The following PTPRE variants were observed in gnomAD, a reference collection of about 807,000 sequenced individuals.
PTPRE encodes the protein protein tyrosine phosphatase receptor type E, also known as receptor-type tyrosine-protein phosphatase epsilon.
PTPRE carries 51 observed loss-of-function variants against 102.0 expected under a neutral mutation model. The observed-to-expected ratio is 0.50, with a 90% confidence interval of 0.40 to 0.63. The LOEUF (loss-of-function observed/expected upper bound fraction) is 0.63. Ranked by LOEUF, PTPRE falls within the 30% of genes least tolerant of loss-of-function variation. The pLI is 0.00. For missense variants in PTPRE, 752 were observed against 915.1 expected (o/e 0.82, Z 2.30); for synonymous variants, 345 against 348.2 (o/e 0.99, Z 0.10).
At chr10:127,923,052 C>T (rs1003238059) in intron 1 of PTPRE, among the ~76,000 whole-genome samples, 1 of 152,250 alleles carries the variant, frequency 6.6e-6, no homozygotes. Flanking sequence ...ACTTGAGCGT[C>T]TGGCGGCATT....
chr10:128,003,628 G>A (rs1019666978), intron 2 of PTPRE, among the ~76,000 whole-genome samples: 12 of 152,152 alleles, frequency 7.9e-5, no homozygotes, highest in African/African-American at 2.9e-4. Flanking sequence ...GGCAGTTCAC[G>A]CGCGGACATC....
chr10:128,042,584 A>G (rs1393290826), intron 3 of PTPRE, among the ~76,000 whole-genome samples: 1 of 152,156 alleles, frequency 6.6e-6, no homozygotes, highest in Non-Finnish European at 1.5e-5. Flanking sequence ...TAAGGCGCAG[A>G]CGGGCTCGTT....
At chr10:127,960,846 C>G (rs7915632) in intron 1 of PTPRE, among the ~76,000 whole-genome samples, 1 of 151,618 alleles carries the variant, frequency 6.6e-6, no homozygotes, top group Non-Finnish European at 1.5e-5. Context: ...GGTGAAACCC[C>G]GTCTCTACTA....
chr10:127,963,704 GCA>G (rs1850013862), intron 1 of PTPRE, among the ~76,000 whole-genome samples: 4 of 152,068 alleles, frequency 2.6e-5, no homozygotes, highest in Admixed American at 6.5e-5. Context: ...ATGCGTGCGT[GCA>G]CACACACGTG....
At chr10:127,965,918 T>C (rs1483720073) in intron 1 of PTPRE, among the ~76,000 whole-genome samples, 1 of 152,236 alleles carries the variant, frequency 6.6e-6, no homozygotes, top group African/African-American at 2.4e-5. Flanking sequence ...ACTGGCCCTT[T>C]GCCTGACCTC....
intron 2 of PTPRE, among the ~76,000 whole-genome samples, chr10:128,034,927 C>T (rs1189599623): frequency 2.0e-5 from 3 of 152,152 alleles, no homozygotes; most frequent in Non-Finnish European, 4.4e-5. Context: ...TATTATTTTA[C>T]GTTCTCATTT....
At position 128,084,982 on chromosome 10, in the gene PTPRE, G is replaced by T; in HGVS notation, c.*2076G>T. The stretch of plus-strand genomic sequence containing the variant: ...CTTTTCAGGGTGCCCTCAGGAAAGG[G>T]CCCTGCTCATGTTTTTTTCCTGTCC... On this transcript the variant is annotated 3_prime_UTR_variant, in exon 21 of 21. Coordinates refer to ENST00000254667, the MANE Select transcript of PTPRE (RefSeq NM_006504.6). 2.6e-6 allele frequency: 1 copy of T among 384,348 alleles called. No individual in the cohort carries two copies. The highest frequency in any genetic ancestry group is 1.8e-5 in the South Asian group (1 of 54,124). The allele number at this position is 384,348 out of a possible 1,614,324, so 23.8% of individuals were successfully genotyped here.
intron 1 of PTPRE, among the ~76,000 whole-genome samples, chr10:127,976,674 G>A (rs943754462): frequency 3.3e-5 from 5 of 152,148 alleles, no homozygotes; most frequent in Admixed American, 1.3e-4. Flanking sequence ...GTGGTTTAAC[G>A]CTGTGGGGAA....
intron 2 of PTPRE, among the ~76,000 whole-genome samples, chr10:127,992,878 G>A (rs960302379): frequency 3.9e-5 from 6 of 152,160 alleles, no homozygotes; most frequent in African/African-American, 1.4e-4. Flanking sequence ...CGCGTAAGTG[G>A]GAGTCTTCAT....
At chr10:128,010,848 C>T (rs534313343) in intron 2 of PTPRE, among the ~76,000 whole-genome samples, 1 of 152,230 alleles carries the variant, frequency 6.6e-6, no homozygotes, top group East Asian at 1.9e-4. Flanking sequence ...GCCTCGGCCT[C>T]CCAAAGTGCT....
chr10:128,043,445 G>A (rs986431430), intron 3 of PTPRE, among the ~76,000 whole-genome samples: 2 of 152,160 alleles, frequency 1.3e-5, no homozygotes, highest in Non-Finnish European at 2.9e-5. Context: ...GGGGGGCGGC[G>A]CTCAGGCGAT....
chr10:127,967,255 T>C (rs1850326053), intron 1 of PTPRE, among the ~76,000 whole-genome samples: 1 of 152,208 alleles, frequency 6.6e-6, no homozygotes, highest in African/African-American at 2.4e-5. Flanking sequence ...TACTCCAAAA[T>C]AGTAGCTCAA....
chr10:128,005,309 G>T (rs893706043), intron 2 of PTPRE, among the ~76,000 whole-genome samples: 3 of 152,106 alleles, frequency 2.0e-5, no homozygotes, highest in African/African-American at 7.2e-5. Flanking sequence ...TCCTCTCTTC[G>T]TTCTCTTCCA....
chr10:128,056,477 C>A lies in PTPRE; in HGVS notation c.511+264C>A, dbSNP rs60217665. On this transcript the variant is annotated intron_variant, in intron 7 of 20. Transcript: ENST00000254667. The stretch of plus-strand genomic sequence containing the variant: ...GGGACCTGGGCTGCCTGGGGCCCAG[C>A]GGGTAAGGGTGCTGCTTCGTGGCCA... Among the ~76,000 whole-genome samples, 899 of 152,306 alleles carry A rather than the reference C, an allele frequency of 5.9e-3. 67 individuals carry two copies. The East Asian group carries it at 0.15, about 25-fold the overall frequency.
At chr10:128,049,809 A>C in intron 6 of PTPRE, 143 bp downstream of exon 6, 1 of 1,216,486 alleles carries the variant, frequency 8.2e-7, no homozygotes, top group Middle Eastern at 2.6e-4. Flanking sequence ...CGTGTGAGGA[A>C]ACCTGGTGTG....
intron 20 of PTPRE, among the ~76,000 whole-genome samples, chr10:128,082,567 A>G (rs1248693768): frequency 2.6e-5 from 4 of 151,910 alleles, no homozygotes; most frequent in Non-Finnish European, 5.9e-5. Context: ...TCCAGTTTCA[A>G]TGTGAAAGCC....
At chr10:128,066,469 G>C (rs1290633872) in intron 11 of PTPRE, among the ~76,000 whole-genome samples, 2 of 152,210 alleles carry the variant, frequency 1.3e-5, no homozygotes, top group African/African-American at 2.4e-5. Flanking sequence ...CCAGTCATTG[G>C]AGGGGCCTGG....
chr10:128,079,786 T>A (rs1851543167), intron 20 of PTPRE, 91 bp downstream of exon 20: 2 of 1,442,708 alleles, frequency 1.4e-6, no homozygotes, highest in Admixed American at 4.1e-5. Context: ...CTTAAGTACA[T>A]GGGGGAGGTG....
intron 11 of PTPRE, 42 bp downstream of exon 11, chr10:128,066,236 C>T (rs745867298): frequency 6.2e-7 from 1 of 1,605,028 alleles, no homozygotes; most frequent in Non-Finnish European, 8.5e-7. Flanking sequence ...AGATCATTTT[C>T]AGAGAGCATC....
Sources: allele counts gnomAD v4.1 joint callset (sites outside exome capture counted in the v4.1 genomes callset), GRCh38; gene constraint gnomAD v4.1.1; transcripts MANE v1.5; gene names NCBI Gene and HGNC (gene_info 2026-07-23, HGNC 2026-07-21).